RAPGEF1: variants seen among roughly 807,000 people sequenced by gnomAD.
RAPGEF1 encodes CRK SH3-binding GNRP.
RAPGEF1 carries 33 observed loss-of-function variants against 143.3 expected under a neutral mutation model. The ratio of observed to expected loss-of-function variants is 0.23; its 90% CI spans 0.17 to 0.31. The LOEUF (loss-of-function observed/expected upper bound fraction) is 0.31, where lower values mean the gene tolerates loss of function less well. Among genes scored for constraint, RAPGEF1 ranks in the 10% least tolerant of loss-of-function variants. RAPGEF1 has a pLI of 1.00. For missense variants in RAPGEF1, 1,199 were observed against 1,645.4 expected (o/e 0.73, Z 4.69); for synonymous variants, 629 against 676.5 (o/e 0.93, Z 1.09).
At chr9:131,593,333 A>AT (rs1954679816) in intron 17 of RAPGEF1, among the ~76,000 whole-genome samples, 1 of 152,176 alleles carries the variant, frequency 6.6e-6, no homozygotes, top group African/African-American at 2.4e-5. Context: ...CTCTGATATT[A>AT]CAGAATGAAG....
intron 1 of RAPGEF1, among the ~76,000 whole-genome samples, chr9:131,670,420 C>T (rs1196238722): frequency 2.0e-5 from 3 of 152,190 alleles, no homozygotes; most frequent in Admixed American, 2.0e-4. Context: ...CTCCTCTTCC[C>T]CCTTTTGAAG....
At chr9:131,690,736 G>A (rs560802588) in intron 1 of RAPGEF1, among the ~76,000 whole-genome samples, 7 of 152,332 alleles carry the variant, frequency 4.6e-5, no homozygotes, top group Admixed American at 1.3e-4. Flanking sequence ...AAGGTACAGT[G>A]AGCCGAGATT....
At chr9:131,711,604 C>T (rs567437944) in intron 1 of RAPGEF1, among the ~76,000 whole-genome samples, 5 of 152,168 alleles carry the variant, frequency 3.3e-5, no homozygotes, top group South Asian at 2.1e-4. Context: ...GTGATCCGCC[C>T]GCCTCGGCCT....
intron 17 of RAPGEF1, among the ~76,000 whole-genome samples, chr9:131,592,418 G>C (rs544250474): frequency 4.7e-4 from 71 of 152,326 alleles, no homozygotes; most frequent in Non-Finnish European, 9.0e-4. Flanking sequence ...TCAGAGAGGG[G>C]AAACAGGAAA....
intron 12 of RAPGEF1, 131 bp from the exon 13 acceptor site, chr9:131,605,319 G>T: frequency 2.4e-6 from 2 of 835,232 alleles, no homozygotes; most frequent in Non-Finnish European, 3.3e-6. Flanking sequence ...CACCAATCAC[G>T]CCAAGCAACC....
intron 1 of RAPGEF1, among the ~76,000 whole-genome samples, chr9:131,697,924 A>G (rs985175937): frequency 1.3e-5 from 2 of 152,196 alleles, no homozygotes; most frequent in African/African-American, 4.8e-5. Flanking sequence ...AGGGGCCAGG[A>G]TAAAGGCAGA....
intron 7 of RAPGEF1, 50 bp downstream of exon 7, chr9:131,629,052 T>C (rs1964123866): frequency 6.3e-7 from 1 of 1,579,852 alleles, no homozygotes; most frequent in Non-Finnish European, 8.6e-7. Flanking sequence ...TTCCTCCCTT[T>C]CTTTCTCATT....
intron 1 of RAPGEF1, among the ~76,000 whole-genome samples, chr9:131,720,781 T>C (rs1347756041): frequency 6.6e-6 from 1 of 152,228 alleles, no homozygotes; most frequent in Non-Finnish European, 1.5e-5. Flanking sequence ...CCTGTATCTT[T>C]TCCACAGCAA....
In RAPGEF1 at chr9:131,588,810, AC is replaced by A; in HGVS notation, c.3043del (p.Val1015Ter). 2 of 1,611,342 alleles carry A rather than the reference AC, an allele frequency of 1.2e-6. No homozygotes were observed. The highest frequency in any genetic ancestry group is 1.7e-6 in the Non-Finnish European group (2 of 1,178,844). ...TSSQPLAARGVAARPGTLHDF... is the reference protein window; with the variant it reads ...TSSQPLAARGXAARPGTLHDF... ...GAGGTGGGCTTCTCACCTGGCTGCTACCCCCCGGGCTGCCAGGGGCTGGCTG... is the reference window on the plus strand; with the variant it reads ...GAGGTGGGCTTCTCACCTGGCTGCTACCCCCGGGCTGCCAGGGGCTGGCTG... On this transcript the variant is annotated frameshift_variant, in exon 20 of 27. Coordinates refer to ENST00000683357, the MANE Select transcript of RAPGEF1 (RefSeq NM_001377935.1). LOFTEE classifies it high-confidence loss of function.
At chr9:131,670,679 G>A (rs1324651545) in intron 1 of RAPGEF1, among the ~76,000 whole-genome samples, 1 of 152,202 alleles carries the variant, frequency 6.6e-6, no homozygotes, top group Admixed American at 6.5e-5. Context: ...CAGTCTCCCG[G>A]CCTCAAGGAA....
At position 131,584,422 on chromosome 9, in the gene RAPGEF1, G is replaced by A; in HGVS notation, c.3313-10C>T. The A allele has an allele frequency of 6.2e-7, 1 of 1,613,852 alleles. No individual in the cohort carries two copies. ...TCAGCTTCCGCAAGTGCTGCCGAGA[G>A]AGGGGCGGTGCCGTGAGGCAGGAGG... On this transcript the variant is annotated splice_polypyrimidine_tract_variant and intron_variant, in intron 23 of 26. Transcript: ENST00000683357. The surrounding 1 kb of genome is among the most constrained non-coding windows in gnomAD (Gnocchi z 6.8).
rs80181658 is a variant in RAPGEF1, at chr9:131,722,040, C to T, written c.61+17730G>A. ...TAATCCACCTGCTAATGTATTTTCT[C>T]CTTTGTTTCCTGAGAAACATTAAAT... is the stretch of plus-strand genomic sequence containing the variant. On this transcript the variant is annotated intron_variant, in intron 1 of 26. Coordinates refer to ENST00000683357, the MANE Select transcript of RAPGEF1 (RefSeq NM_001377935.1). Among the ~76,000 whole-genome samples, 344 of 152,268 alleles carry T rather than the reference C, an allele frequency of 2.3e-3. 2 individuals carry two copies. The highest frequency in any genetic ancestry group is 8.1e-3 in the African/African-American group (337 of 41,554).
At chr9:131,715,787 C>G (rs1017719277) in intron 1 of RAPGEF1, among the ~76,000 whole-genome samples, 11 of 150,766 alleles carry the variant, frequency 7.3e-5, no homozygotes, top group Non-Finnish European at 1.6e-4. Flanking sequence ...ATCACTTGAA[C>G]CCGGGAGGTG....
intron 25 of RAPGEF1, among the ~76,000 whole-genome samples, chr9:131,582,376 C>T (rs977828761): frequency 2.0e-5 from 3 of 152,006 alleles, no homozygotes; most frequent in Admixed American, 6.6e-5. Flanking sequence ...CTGAGCGCTT[C>T]TTTTCTGTTT....
At chr9:131,727,591 C>A (rs993726606) in intron 1 of RAPGEF1, among the ~76,000 whole-genome samples, 3 of 152,154 alleles carry the variant, frequency 2.0e-5, no homozygotes, top group Non-Finnish European at 4.4e-5. Context: ...ATGACTCACA[C>A]GCTCCCCATG....
At chr9:131,591,005 A>G (rs1954135288) in intron 18 of RAPGEF1, among the ~76,000 whole-genome samples, 1 of 152,258 alleles carries the variant, frequency 6.6e-6, no homozygotes, top group Non-Finnish European at 1.5e-5. Context: ...ATATTAAAAA[A>G]TGGTCATAGA....
At chr9:131,702,393 A>G (rs1834725875) in intron 1 of RAPGEF1, among the ~76,000 whole-genome samples, 1 of 152,232 alleles carries the variant, frequency 6.6e-6, no homozygotes, top group Admixed American at 6.5e-5. Context: ...AGTCAAGCCC[A>G]AAGCAAATGA....
intron 1 of RAPGEF1, among the ~76,000 whole-genome samples, chr9:131,732,671 T>TA (rs1837156247): frequency 1.3e-5 from 2 of 149,460 alleles, no homozygotes; most frequent in South Asian, 4.2e-4. Flanking sequence ...CCTACTAATG[T>TA]ACCAAGAAAC....
chr9:131,605,219 A>G (rs763835031), intron 12 of RAPGEF1, 31 bp from the exon 13 acceptor site: 1 of 1,266,562 alleles, frequency 7.9e-7, no homozygotes, highest in South Asian at 1.3e-5. Flanking sequence ...ACAAACAAAA[A>G]CGAGAATACA....
Sources: allele counts gnomAD v4.1 joint callset (sites outside exome capture counted in the v4.1 genomes callset), GRCh38; gene constraint gnomAD v4.1.1; non-coding constraint Gnocchi (gnomAD v3.1); transcripts MANE v1.5; gene names NCBI Gene and HGNC (gene_info 2026-07-23, HGNC 2026-07-21).